Variants in TBC1D31 observed in about 807,000 individuals in gnomAD.
The protein encoded by TBC1D31 is WD repeat domain 67.
TBC1D31 carries 99 observed loss-of-function variants against 132.9 expected under a neutral mutation model. That is an observed-to-expected ratio of 0.74 (90% CI 0.63 to 0.88). The LOEUF is 0.88. Ranked by LOEUF, TBC1D31 falls within the 40% of genes least tolerant of loss-of-function variation. TBC1D31 has a pLI of 0.00. For synonymous variants in TBC1D31, 385 were observed against 419.4 expected, an observed-to-expected ratio of 0.92 and a Z score of 1.00; for missense variants, 1,134 against 1,256.6, an observed-to-expected ratio of 0.90 and a Z score of 1.48.
chr8:123,148,969 C>T (rs1282476046), intron 20 of TBC1D31, among the ~76,000 whole-genome samples: 1 of 152,006 alleles, frequency 6.6e-6, no homozygotes, highest in Non-Finnish European at 1.5e-5. Context: ...ATCGCTTGAA[C>T]CCAGGAGGTG....
chr8:123,126,144 C>A lies in TBC1D31; in HGVS notation c.1659C>A (p.Asp553Glu), dbSNP rs748885178. Residue 553 changes from aspartate to glutamate, a missense_variant, in exon 12 of 22, where the codon GAC becomes GAA. Transcript: ENST00000287380. ...SMIENVLAFHDKELLQHFIDH... is the reference protein window; with the variant it reads ...SMIENVLAFHEKELLQHFIDH... ...TAGAAAATGTTTTGGCATTTCATGA[C>A]AAGGAACTGCTGCAACACTTCATAG... The A allele has an allele frequency of 1.9e-6, 3 of 1,612,136 alleles. No individual in the cohort carries two copies. Among genetic ancestry groups the A allele is most frequent in the Non-Finnish European group, 1.7e-6 (2 of 1,179,244 alleles).
chr8:123,090,153 T>A (rs1816192449), intron 4 of TBC1D31, among the ~76,000 whole-genome samples: 1 of 152,248 alleles, frequency 6.6e-6, no homozygotes, highest in Non-Finnish European at 1.5e-5. Flanking sequence ...ACCTTCATTT[T>A]AAATAGTTAT....
intron 12 of TBC1D31, 119 bp from the exon 13 acceptor site, chr8:123,126,389 T>G: frequency 8.5e-7 from 1 of 1,182,888 alleles, no homozygotes; most frequent in Non-Finnish European, 1.2e-6. Context: ...GTAGTTATTT[T>G]CATAATTATG....
chr8:123,128,983 A>G (rs1402151391), intron 14 of TBC1D31, 83 bp from the exon 15 acceptor site: 2 of 896,050 alleles, frequency 2.2e-6, no homozygotes, highest in East Asian at 2.7e-5. Flanking sequence ...AAAATAGATT[A>G]TACATTAATC....
chr8:123,088,481 G>C (rs1226530771), intron 4 of TBC1D31, among the ~76,000 whole-genome samples: 1 of 152,146 alleles, frequency 6.6e-6, no homozygotes, highest in African/African-American at 2.4e-5. Flanking sequence ...GATGGGCCAG[G>C]TGATGACCAC....
chr8:123,097,788 C>T (rs1221687202), intron 6 of TBC1D31: 1 of 163,432 alleles, frequency 6.1e-6, no homozygotes, highest in Admixed American at 6.3e-5. Context: ...CACTAACGAC[C>T]AGAAACATTG....
chr8:123,141,105 T>G (rs1821618544), intron 18 of TBC1D31, among the ~76,000 whole-genome samples: 1 of 150,994 alleles, frequency 6.6e-6, no homozygotes, highest in South Asian at 2.1e-4. Flanking sequence ...TATGCATGTC[T>G]TTTTCCTACA....
chr8:123,101,707 C>A (rs1371103415), intron 7 of TBC1D31, among the ~76,000 whole-genome samples: 2 of 152,164 alleles, frequency 1.3e-5, no homozygotes, highest in Admixed American at 1.3e-4. Context: ...GCCACCACGC[C>A]CAGCCCAACT....
chr8:123,105,735 A>G (rs1271954032), intron 8 of TBC1D31, among the ~76,000 whole-genome samples: 4 of 152,188 alleles, frequency 2.6e-5, no homozygotes, highest in Admixed American at 6.5e-5. Context: ...AAATATAGCT[A>G]TTAATAGAGA....
chr8:123,084,160 A>G lies in TBC1D31; in HGVS notation c.341-2A>G. 6.2e-7 allele frequency: 1 copy of G among 1,613,550 alleles called. No homozygotes were observed. The highest frequency in any genetic ancestry group is 1.3e-5 in the African/African-American group (1 of 75,040). On this transcript the variant is annotated splice_acceptor_variant, in intron 3 of 21. Coordinates refer to ENST00000287380, the MANE Select transcript of TBC1D31 (RefSeq NM_145647.4). LOFTEE classifies it high-confidence loss of function. ...GGGTAACAATTTTACTTTTTACCAC[A>G]GTCACCAAGGAGCTAGTTAGCTGGA...
At chr8:123,131,363 C>CAAAAAAAAA (rs59929988) in intron 16 of TBC1D31, among the ~76,000 whole-genome samples, 1 of 64,914 alleles carries the variant, frequency 1.5e-5, no homozygotes, top group African/African-American at 5.7e-5. Context: ...GACTCAGTCT[C>CAAAAAAAAA]AAAAAAAAAA....
At chr8:123,112,589 A>G (rs1264097196) in intron 10 of TBC1D31, among the ~76,000 whole-genome samples, 2 of 152,258 alleles carry the variant, frequency 1.3e-5, no homozygotes, top group East Asian at 3.9e-4. Flanking sequence ...TTATACCTGC[A>G]TTATGCACCA....
intron 21 of TBC1D31, among the ~76,000 whole-genome samples, chr8:123,151,178 T>C (rs1822737828): frequency 6.8e-6 from 1 of 147,004 alleles, no homozygotes. Context: ...AAAGTTGTAT[T>C]TCTTTGGGAG....
rs1817330203 is a variant in TBC1D31, at chr8:123,100,831, G to T, written c.856G>T (p.Gly286Cys). ...NQVLGVLSQD[G>C]IMRFINMQTC... Reference sequence around the variant, plus strand: ...GGTTCTTGGAGTACTAAGTCAAGATGGTATTATGAGATTTATCAATATGCA... The same window carrying T: ...GGTTCTTGGAGTACTAAGTCAAGATTGTATTATGAGATTTATCAATATGCA... Residue 286 changes from glycine (G) to cysteine (C), a missense_variant, in exon 7 of 22, where the codon GGT (glycine) becomes TGT (cysteine). By Grantham distance (159) the Gly-to-Cys change is radical. Transcript: ENST00000287380. 6.2e-7 allele frequency: 1 copy of T among 1,613,374 alleles called. No homozygotes were observed.
At chr8:123,160,512 G>C in the TBC1D31 span, among the ~76,000 whole-genome samples, 1 of 152,056 alleles carries the variant, frequency 6.6e-6, no homozygotes, top group Non-Finnish European at 1.5e-5. Flanking sequence ...AGGAGGAGGA[G>C]GAGGCTACCT....
chr8:123,147,915 CAGGAGTT>C (rs1822386811), intron 20 of TBC1D31, among the ~76,000 whole-genome samples: 1 of 151,992 alleles, frequency 6.6e-6, no homozygotes, highest in Non-Finnish European at 1.5e-5. Flanking sequence ...ATCACAAGGT[CAGGAGTT>C]TGAGACCAGC....
intron 7 of TBC1D31, chr8:123,102,273 A>G (rs1817505236): frequency 2.2e-6 from 1 of 456,522 alleles, no homozygotes; most frequent in Non-Finnish European, 4.4e-6. Context: ...AAAATTAATC[A>G]CACAGCGAGT....
rs1465301765 is a variant in TBC1D31 at position 123,109,340 on chromosome 8, C to T, written c.1233C>T (p.Asn411=). The T allele has an allele frequency of 1.9e-6, 3 of 1,600,664 alleles. No individual in the cohort carries two copies. Among genetic ancestry groups the T allele is most frequent in the Admixed American group, 1.7e-5 (1 of 59,098 alleles). The part of the protein sequence containing the change: ...SKKNELPDGL[N]KKRLQILLKG... Reference sequence around the variant, plus strand: ...AGAATGAATTACCAGATGGATTAAACAAAAAGCGTTTACAAATCTTATTAA... The same window carrying T: ...AGAATGAATTACCAGATGGATTAAATAAAAAGCGTTTACAAATCTTATTAA... The change falls in exon 9 of 22, where the codon AAC becomes AAT. Residue 411 remains asparagine (N), a synonymous_variant. Coordinates refer to ENST00000287380, the MANE Select transcript of TBC1D31 (RefSeq NM_145647.4).
intron 5 of TBC1D31, among the ~76,000 whole-genome samples, chr8:123,095,755 G>A (rs955779458): frequency 5.9e-5 from 9 of 152,066 alleles, no homozygotes; most frequent in African/African-American, 1.7e-4. Flanking sequence ...TACAATTCCC[G>A]CCCTAACCCT....
Sources: allele counts gnomAD v4.1 joint callset (sites outside exome capture counted in the v4.1 genomes callset), GRCh38; gene constraint gnomAD v4.1.1; transcripts MANE v1.5; gene names NCBI Gene and HGNC (gene_info 2026-07-23, HGNC 2026-07-21).